Variants in KCTD16 observed in about 807,000 individuals in gnomAD.
KCTD16 encodes the protein BTB/POZ domain-containing protein KCTD16.
KCTD16 carries 13 observed loss-of-function variants against 33.2 expected under a neutral mutation model. That is an observed-to-expected ratio of 0.39 (90% CI 0.25 to 0.62). KCTD16 has a LOEUF of 0.62. KCTD16 is among the 20% of genes least tolerant of loss of function. KCTD16 has a pLI of 0.50. For synonymous variants in KCTD16, 197 were observed against 195.3 expected (o/e 1.01, Z -0.07); for missense variants, 441 against 525.1 (o/e 0.84, Z 1.57).
At chr5:144,418,227 T>C (rs530294764) in intron 3 of KCTD16, among the ~76,000 whole-genome samples, 1 of 152,108 alleles carries the variant, frequency 6.6e-6, no homozygotes, top group East Asian at 1.9e-4. Flanking sequence ...GCAAGCTTTA[T>C]TACAAAGAGC....
At chr5:144,280,768 A>G (rs1755579700) in intron 3 of KCTD16, among the ~76,000 whole-genome samples, 1 of 152,138 alleles carries the variant, frequency 6.6e-6, no homozygotes, top group African/African-American at 2.4e-5. Context: ...ACTAAACAAA[A>G]TACAAAAAAT....
At chr5:144,260,312 G>A (rs1754971344) in intron 3 of KCTD16, among the ~76,000 whole-genome samples, 1 of 152,140 alleles carries the variant, frequency 6.6e-6, no homozygotes, top group Non-Finnish European at 1.5e-5. Context: ...GACTTGACCT[G>A]GAAATAATTA....
intron 3 of KCTD16, among the ~76,000 whole-genome samples, chr5:144,300,929 GC>G (rs1372491827): frequency 1.4e-4 from 21 of 152,206 alleles, no homozygotes; most frequent in Middle Eastern, 3.4e-3. Flanking sequence ...GAGAAGACAA[GC>G]AAGTAAGGTA....
intron 3 of KCTD16, among the ~76,000 whole-genome samples, chr5:144,473,406 T>C (rs1754522108): frequency 6.6e-6 from 1 of 152,180 alleles, no homozygotes; most frequent in African/African-American, 2.4e-5. Flanking sequence ...TATTTCTGAC[T>C]CCCGTGCTCA....
At chr5:144,464,752 C>T (rs1426551234) in intron 3 of KCTD16, among the ~76,000 whole-genome samples, 1 of 151,692 alleles carries the variant, frequency 6.6e-6, no homozygotes, top group African/African-American at 2.4e-5. Flanking sequence ...TCTTCCTCTT[C>T]CTCTTCCTCT....
At chr5:144,442,115 C>T (rs947351590) in intron 3 of KCTD16, among the ~76,000 whole-genome samples, 1 of 152,084 alleles carries the variant, frequency 6.6e-6, no homozygotes, top group Non-Finnish European at 1.5e-5. Context: ...TTTATCATTA[C>T]AAAATACCCC....
At chr5:144,287,925 C>A (rs536752921) in intron 3 of KCTD16, among the ~76,000 whole-genome samples, 1 of 152,244 alleles carries the variant, frequency 6.6e-6, no homozygotes, top group East Asian at 1.9e-4. Context: ...TGAGACAATG[C>A]CTGGCCCTTT....
At chr5:144,226,315 T>A (rs1753929321) in intron 3 of KCTD16, among the ~76,000 whole-genome samples, 1 of 152,168 alleles carries the variant, frequency 6.6e-6, no homozygotes, top group African/African-American at 2.4e-5. Flanking sequence ...TAGTAAATAA[T>A]AAAATCAGGA....
chr5:144,198,203 G>C (rs944836733), intron 2 of KCTD16, among the ~76,000 whole-genome samples: 1 of 152,280 alleles, frequency 6.6e-6, no homozygotes, highest in East Asian at 1.9e-4. Context: ...GACCCTATCA[G>C]CTTTGTAATT....
At chr5:144,233,505 G>A (rs1220476334) in intron 3 of KCTD16, among the ~76,000 whole-genome samples, 1 of 152,090 alleles carries the variant, frequency 6.6e-6, no homozygotes, top group African/African-American at 2.4e-5. Context: ...AGAGTTGCAT[G>A]GCAGCCCTTC....
At chr5:144,305,794 C>T (rs2126873800) in intron 3 of KCTD16, among the ~76,000 whole-genome samples, 1 of 152,120 alleles carries the variant, frequency 6.6e-6, no homozygotes, top group Admixed American at 6.5e-5. Flanking sequence ...AGCCTGGAGA[C>T]AGAGTGAGAC....
At chr5:144,265,216 A>G (rs900336897) in intron 3 of KCTD16, among the ~76,000 whole-genome samples, 1 of 152,148 alleles carries the variant, frequency 6.6e-6, no homozygotes, top group African/African-American at 2.4e-5. Context: ...TTTCCAAAAC[A>G]GAAGGACATT....
At chr5:144,344,483 A>C (rs1403399774) in intron 3 of KCTD16, among the ~76,000 whole-genome samples, 1 of 151,862 alleles carries the variant, frequency 6.6e-6, no homozygotes, top group Non-Finnish European at 1.5e-5. Context: ...TCCAGAATCT[A>C]CAAAGAACTT....
At chr5:144,383,910 C>T (rs186054656) in intron 3 of KCTD16, among the ~76,000 whole-genome samples, 4 of 152,150 alleles carry the variant, frequency 2.6e-5, no homozygotes, top group South Asian at 2.1e-4. Context: ...ATAAAAAATA[C>T]GTAAGAATCT....
At chr5:144,300,950 A>G (rs897905021) in intron 3 of KCTD16, among the ~76,000 whole-genome samples, 1 of 152,152 alleles carries the variant, frequency 6.6e-6, no homozygotes, top group Non-Finnish European at 1.5e-5. Context: ...AGAGTCATAA[A>G]GATTATTACG....
At chr5:144,201,095 G>A (rs891937418) in intron 2 of KCTD16, among the ~76,000 whole-genome samples, 5 of 152,164 alleles carry the variant, frequency 3.3e-5, no homozygotes, top group African/African-American at 9.7e-5. Flanking sequence ...GAGTTTGTGT[G>A]TGCATTTGCA....
At chr5:144,444,545 A>T (rs892606652) in intron 3 of KCTD16, among the ~76,000 whole-genome samples, 4 of 151,938 alleles carry the variant, frequency 2.6e-5, no homozygotes, top group African/African-American at 9.7e-5. Context: ...TGTTTTTTTT[A>T]AAAGATGCCC....
At chr5:144,452,673 GTTGACCTTGGTCAT>G in intron 3 of KCTD16, among the ~76,000 whole-genome samples, 1 of 152,000 alleles carries the variant, frequency 6.6e-6, no homozygotes, top group Non-Finnish European at 1.5e-5. Context: ...AAAATGACCA[GTTGACCTTGGTCAT>G]TTGACAAATC....
At chr5:144,301,353 C>T (rs1751433640) in intron 3 of KCTD16, among the ~76,000 whole-genome samples, 1 of 151,586 alleles carries the variant, frequency 6.6e-6, no homozygotes, top group Admixed American at 6.6e-5. Context: ...GGATTAGAAG[C>T]TGCATAGAGA....
Sources: allele counts gnomAD v4.1 joint callset (sites outside exome capture counted in the v4.1 genomes callset), GRCh38; gene constraint gnomAD v4.1.1; transcripts MANE v1.5; gene names NCBI Gene and HGNC (gene_info 2026-07-23, HGNC 2026-07-21).